EDIL3: variants seen among roughly 807,000 people sequenced by gnomAD.
The protein encoded by EDIL3 is EGF like and discoidin domains 3.
In EDIL3, 37 loss-of-function variants were observed where a neutral mutation model predicts 67.4. The observed-to-expected ratio is 0.55, with a 90% CI of 0.42 to 0.72. The LOEUF (loss-of-function observed/expected upper bound fraction) is 0.72. Ranked by LOEUF, EDIL3 falls within the 30% of genes least tolerant of loss-of-function variation. The pLI is 0.00. For synonymous variants in EDIL3, 195 were observed against 196.3 expected, an observed-to-expected ratio of 0.99 and a Z score of 0.05; for missense variants, 527 against 586.3, an observed-to-expected ratio of 0.90 and a Z score of 1.04.
intron 1 of EDIL3, among the ~76,000 whole-genome samples, chr5:84,378,682 T>C (rs887836513): frequency 1.3e-5 from 2 of 152,170 alleles, no homozygotes; most frequent in African/African-American, 4.8e-5. Flanking sequence ...ATGTGGTATG[T>C]GGATGAAGCT....
At chr5:84,101,976 C>G (rs1747375173) in intron 6 of EDIL3, among the ~76,000 whole-genome samples, 2 of 152,080 alleles carry the variant, frequency 1.3e-5, no homozygotes, top group Non-Finnish European at 2.9e-5. Context: ...CCACCATGAT[C>G]AAGCAGGCTT....
intron 9 of EDIL3, among the ~76,000 whole-genome samples, chr5:83,964,583 T>C (rs752334635): frequency 6.6e-6 from 1 of 151,982 alleles, no homozygotes; most frequent in Non-Finnish European, 1.5e-5. Flanking sequence ...AGAGAATGCA[T>C]AGAATAAGGC....
rs574696592 is a variant in EDIL3 at position 84,105,060 on chromosome 5, C to T, written c.651+1589G>A. On this transcript the variant is annotated intron_variant, in intron 6 of 10. Transcript: ENST00000296591. ...CTAAAGTTTTATCATGACCACAGTC[C>T]TACAAATGCATTTCAACTAGAGTGA... Among the ~76,000 whole-genome samples, 4 of 152,122 alleles carry T rather than the reference C, an allele frequency of 2.6e-5. No individual in the cohort carries two copies. In the East Asian group the frequency reaches 5.8e-4, roughly 22 times the overall value.
At chr5:84,312,134 G>A (rs1310245451) in intron 1 of EDIL3, among the ~76,000 whole-genome samples, 1 of 151,966 alleles carries the variant, frequency 6.6e-6, no homozygotes, top group Non-Finnish European at 1.5e-5. Context: ...CAGTAGGGGC[G>A]GCCGGGCAGA....
chr5:84,026,629 G>A (rs1291441053), intron 9 of EDIL3, among the ~76,000 whole-genome samples: 1 of 151,920 alleles, frequency 6.6e-6, no homozygotes. Flanking sequence ...ACAAAATTTT[G>A]CTATCTCTGG....
chr5:84,081,961 G>A (rs577021904), intron 6 of EDIL3, among the ~76,000 whole-genome samples: 4 of 152,184 alleles, frequency 2.6e-5, no homozygotes, highest in Admixed American at 6.5e-5. Flanking sequence ...GTACAGTGCT[G>A]AGTGAATAAG....
chr5:84,276,323 A>AT (rs1745582439), intron 1 of EDIL3, among the ~76,000 whole-genome samples: 1 of 152,102 alleles, frequency 6.6e-6, no homozygotes, highest in South Asian at 2.1e-4. Context: ...AGTCAGATGA[A>AT]TTTTTTAAAA....
In EDIL3 at chr5:84,160,791, TTTCCTTTCCTTTCCTTTCCTTTCCTTTC is replaced by T. The variant is rs1450849322; in HGVS notation, c.355+19574_355+19601del. Among the ~76,000 whole-genome samples, 237 of 121,502 alleles carry T rather than the reference TTTCCTTTCCTTTCCTTTCCTTTCCTTTC, an allele frequency of 2.0e-3. 2 individuals carry two copies. The highest frequency in any genetic ancestry group is 7.1e-3 in the African/African-American group (230 of 32,518). The allele number at this position is 121,502 out of a possible 152,430, so 79.7% of individuals were successfully genotyped here. A position where few individuals can be genotyped will look rare whatever the true frequency, so the allele number is the denominator to read the frequency against. ...TTTCCTTTCCTTTCCTTTCCTTTCC[TTTCCTTTCCTTTCCTTTCCTTTCCTTTC>T]CCTTTCCTTTTCCTTTCCTTTTCCT... On this transcript the variant is annotated intron_variant, in intron 4 of 10. Coordinates refer to ENST00000296591, the MANE Select transcript of EDIL3 (RefSeq NM_005711.5).
At chr5:84,307,414 C>T (rs1403592332) in intron 1 of EDIL3, among the ~76,000 whole-genome samples, 1 of 152,044 alleles carries the variant, frequency 6.6e-6, no homozygotes, top group Non-Finnish European at 1.5e-5. Flanking sequence ...AGAGGCCCAA[C>T]AGAAACAGAG....
At chr5:84,154,578 ATT>A (rs199905974) in intron 4 of EDIL3, among the ~76,000 whole-genome samples, 2 of 142,524 alleles carry the variant, frequency 1.4e-5, no homozygotes, top group South Asian at 2.2e-4. Flanking sequence ...GGAATATTTA[ATT>A]TTTTTTTTTG....
chr5:84,043,780 TA>T (rs1039868101), intron 9 of EDIL3, among the ~76,000 whole-genome samples: 2 of 151,856 alleles, frequency 1.3e-5, no homozygotes, highest in Admixed American at 6.6e-5. Context: ...AAAGATACAG[TA>T]AAAAAAATAG....
chr5:84,006,315 T>C (rs1213875507), intron 9 of EDIL3, among the ~76,000 whole-genome samples: 2 of 151,736 alleles, frequency 1.3e-5, no homozygotes, highest in Non-Finnish European at 2.9e-5. Flanking sequence ...CATGACATTC[T>C]TCACAGAATT....
intron 6 of EDIL3, among the ~76,000 whole-genome samples, chr5:84,073,981 T>C (rs201563317): frequency 0.02 from 3,016 of 151,570 alleles, 55 homozygotes; most frequent in East Asian, 0.062. Flanking sequence ...AACAGCATGG[T>C]ACTGGTACCA....
intron 9 of EDIL3, among the ~76,000 whole-genome samples, chr5:84,027,335 T>C (rs959177859): frequency 6.6e-6 from 1 of 152,278 alleles, no homozygotes; most frequent in African/African-American, 2.4e-5. Flanking sequence ...CTGTGGTGCA[T>C]CACAAGTGTT....
At chr5:83,956,171 C>A (rs949029160) in intron 10 of EDIL3, among the ~76,000 whole-genome samples, 1 of 151,690 alleles carries the variant, frequency 6.6e-6, no homozygotes, top group South Asian at 2.1e-4. Flanking sequence ...TCATCTCTAT[C>A]CCATAAGCCG....
chr5:84,001,510 T>A (rs568129530), intron 9 of EDIL3, among the ~76,000 whole-genome samples: 77 of 151,896 alleles, frequency 5.1e-4, no homozygotes, highest in Non-Finnish European at 9.0e-4. Context: ...AGCTGGTGTT[T>A]CAAAAGATAA....
At chr5:84,262,254 C>T (rs1299622773) in intron 1 of EDIL3, among the ~76,000 whole-genome samples, 1 of 152,098 alleles carries the variant, frequency 6.6e-6, no homozygotes, top group Admixed American at 6.5e-5. Flanking sequence ...GGATGGTTCC[C>T]AGCCCTCCAC....
intron 6 of EDIL3, among the ~76,000 whole-genome samples, chr5:84,093,736 T>C (rs1747209531): frequency 6.9e-6 from 1 of 145,320 alleles, no homozygotes; most frequent in Admixed American, 7.2e-5. Flanking sequence ...CTCAGCTCAC[T>C]GCAACTTCTG....
chr5:84,147,498 T>A (rs1748309048), intron 4 of EDIL3, among the ~76,000 whole-genome samples: 1 of 152,108 alleles, frequency 6.6e-6, no homozygotes, highest in Non-Finnish European at 1.5e-5. Context: ...AAGGTGGTTA[T>A]GCCAATTTGC....
Sources: gnomAD v4.1 joint callset for allele counts (sites outside exome capture counted in the v4.1 genomes callset) on GRCh38, gnomAD v4.1.1 for gene constraint, MANE v1.5 for transcripts, NCBI Gene and HGNC (gene_info 2026-07-23, HGNC 2026-07-21) for gene names.